The following RNASE12 variants were observed in gnomAD, a reference collection of about 807,000 sequenced individuals.
RNASE12 encodes probable inactive ribonuclease-like protein 12.
For missense variants in RNASE12, 161 were observed against 177.6 expected (o/e 0.91, Z 0.53); for synonymous variants, 55 against 59.8 (o/e 0.92, Z 0.37).
At chr14:20,590,959 G>A, upstream of RNASE12, 2 of 1,392,144 alleles carry the variant, frequency 1.4e-6, no homozygotes, top group Non-Finnish European at 1.9e-6. Flanking sequence ...TCAGAGTTTG[G>A]TACTGAGCTG....
upstream of RNASE12, chr14:20,590,970 T>C: frequency 3.6e-6 from 5 of 1,375,908 alleles, no homozygotes; most frequent in Non-Finnish European, 4.7e-6. Flanking sequence ...TACTGAGCTG[T>C]TCTCTAAATT....
chr14:20,590,475 G>C (rs766034328), exon 1 of RNASE12: 2 of 1,614,228 alleles, frequency 1.2e-6, no homozygotes, highest in Non-Finnish European at 1.7e-6. Flanking sequence ...CAACCTTCTT[G>C]GGAGAAATGC....
chr14:20,590,712 C>T (rs756503725), exon 1 of RNASE12: 3 of 1,613,584 alleles, frequency 1.9e-6, no homozygotes, highest in Non-Finnish European at 2.5e-6. Context: ...AAATTATCAC[C>T]ATTATTATCA....
At chr14:20,590,839 C>A, upstream of RNASE12, 1 of 1,496,816 alleles carries the variant, frequency 6.7e-7, no homozygotes, top group Non-Finnish European at 8.9e-7. Flanking sequence ...GCTCCCCCAT[C>A]CTTGGAATAT....
exon 1 of RNASE12, chr14:20,590,206 C>G (rs1029345342): frequency 3.2e-5 from 51 of 1,569,246 alleles, no homozygotes; most frequent in Non-Finnish European, 4.1e-5. Context: ...GTCCACGGTC[C>G]AGGTCTGCCT....
At chr14:20,590,435 A>G in exon 1 of RNASE12, 1 of 1,614,232 alleles carries the variant, frequency 6.2e-7, no homozygotes, top group Non-Finnish European at 8.5e-7. Context: ...TCACTCTGAA[A>G]GCAGAAAATG....
chr14:20,590,930 T>C (rs566781902), upstream of RNASE12: 2 of 1,421,988 alleles, frequency 1.4e-6, no homozygotes, highest in African/African-American at 2.9e-5. Flanking sequence ...AAGAAAGCCT[T>C]TTCTGAACAT....
At chr14:20,590,520 G>T (rs1884550221) in exon 1 of RNASE12, 2 of 1,614,252 alleles carry the variant, frequency 1.2e-6, no homozygotes, top group East Asian at 4.5e-5. Context: ...TCTCATGGAT[G>T]AAGACATGCT....
In RNASE12 at chr14:20,590,439, G is replaced by A. The variant is rs141469903; in HGVS notation, c.285C>T (p.Phe95=). Residue 95 remains phenylalanine, a synonymous_variant, in exon 1 of 1, where the codon TTC becomes TTT. Transcript: ENST00000556526. ...TGAACTTTGTCTCACTCTGAAAGCA[G>A]AAAATGGCCGAAAGGTTTTGGCAAG... 4.6e-5 allele frequency: 75 copies of A among 1,614,210 alleles called. No individual in the cohort carries two copies. In the African/African-American group the frequency reaches 9.1e-4, roughly 19 times the overall value.
chr14:20,590,879 C>T (rs2138901818), upstream of RNASE12: 1 of 1,451,386 alleles, frequency 6.9e-7, no homozygotes, highest in Non-Finnish European at 9.1e-7. Flanking sequence ...TAATTAAAAT[C>T]ACACTGACCT....
At chr14:20,591,054 C>G, upstream of RNASE12, 1 of 985,222 alleles carries the variant, frequency 1.0e-6, no homozygotes, top group Non-Finnish European at 1.2e-6. Context: ...TCAAATCCTT[C>G]GAAGTGCTCA....
chr14:20,591,030 A>G (rs1276875667), upstream of RNASE12: 24 of 985,010 alleles, frequency 2.4e-5, no homozygotes, highest in Non-Finnish European at 2.8e-5. Context: ...AGCAGATACC[A>G]CATCTCCTAT....
chr14:20,590,572 A>G (rs772135581), exon 1 of RNASE12: 3 of 1,614,250 alleles, frequency 1.9e-6, no homozygotes, highest in Non-Finnish European at 2.5e-6. Flanking sequence ...AACTCTTTGT[A>G]TGATCATGTG....
chr14:20,590,757 G>T, exon 1 of RNASE12: 2 of 1,599,360 alleles, frequency 1.3e-6, no homozygotes, highest in South Asian at 2.3e-5. Context: ...CTTTGGCTTT[G>T]ACTGCTGTTG....
exon 1 of RNASE12, chr14:20,590,198 C>T: frequency 1.3e-6 from 2 of 1,544,156 alleles, no homozygotes; most frequent in Non-Finnish European, 1.7e-6. Flanking sequence ...TGCCCCATGT[C>T]CACGGTCCAG....
upstream of RNASE12, chr14:20,590,854 T>G (rs1884563220): frequency 6.8e-7 from 1 of 1,470,370 alleles, no homozygotes; most frequent in African/African-American, 1.4e-5. Flanking sequence ...GAATATTTTA[T>G]TTCCTTCTCT....
chr14:20,590,747 C>CT, exon 1 of RNASE12: 2 of 1,603,924 alleles, frequency 1.2e-6, no homozygotes, highest in Non-Finnish European at 1.7e-6. Context: ...GACTTCGCAT[C>CT]TTTGGCTTTG....
upstream of RNASE12, chr14:20,591,261 G>A (rs1884575224): frequency 1.0e-6 from 1 of 985,238 alleles, no homozygotes. Flanking sequence ...CCTCTCACCT[G>A]TCATTTTTCT....
rs142110424 is a variant in RNASE12, at chr14:20,590,698, A to T, written c.26T>A (p.Leu9Ter). The T allele has an allele frequency of 1.8e-4, 289 of 1,613,906 alleles. No individual in the cohort carries two copies. Among genetic ancestry groups the T allele is most frequent in the Non-Finnish European group, 2.7e-5 (32 of 1,179,842 alleles). The change falls in exon 1 of 1, where the codon TTG becomes TAG. Residue 9 changes from leucine (L) to a stop codon, truncating the protein, a stop_gained. Coordinates refer to ENST00000556526, the Ensembl canonical transcript of RNASE12. LOFTEE classifies it low-confidence loss of function (END_TRUNC). ...CTCATTTTCCCAGAACAGAAGCACC[A>T]AGAAAATTATCACCATTATTATCAT...
Sources: allele counts gnomAD v4.1 joint callset, GRCh38; gene constraint gnomAD v4.1.1; transcripts MANE v1.5; gene names NCBI Gene and HGNC (gene_info 2026-07-23, HGNC 2026-07-21).